The following CTDSPL2 variants were observed in gnomAD, a reference collection of about 807,000 sequenced individuals.
CTDSPL2 encodes CTD small phosphatase-like protein 2.
CTDSPL2 carries 5 observed loss-of-function variants against 60.0 expected under a neutral mutation model. The ratio of observed to expected loss-of-function variants is 0.08; its 90% CI spans 0.04 to 0.18. The LOEUF (loss-of-function observed/expected upper bound fraction) is 0.18. CTDSPL2 is among the 10% of genes least tolerant of loss of function. The pLI is 1.00. For synonymous variants in CTDSPL2, 186 were observed against 189.3 expected (o/e 0.98, Z 0.14); for missense variants, 370 against 548.8 (o/e 0.67, Z 3.26).
At chr15:44,428,877 T>C (rs1461941647) in intron 1 of CTDSPL2, among the ~76,000 whole-genome samples, 2 of 152,182 alleles carry the variant, frequency 1.3e-5, no homozygotes, top group Non-Finnish European at 2.9e-5. Context: ...TTACTTTTTC[T>C]TTCCTTTTTT....
At chr15:44,450,898 A>G (rs2080322605) in intron 1 of CTDSPL2, among the ~76,000 whole-genome samples, 1 of 152,020 alleles carries the variant, frequency 6.6e-6, no homozygotes, top group Non-Finnish European at 1.5e-5. Flanking sequence ...GCATCTGGCC[A>G]ATATTCTCAA....
intron 2 of CTDSPL2, among the ~76,000 whole-genome samples, chr15:44,480,248 G>T (rs2081001533): frequency 1.3e-5 from 2 of 152,114 alleles, no homozygotes; most frequent in African/African-American, 4.8e-5. Context: ...TTCATTTGCT[G>T]TTCTCAAATT....
In CTDSPL2 at chr15:44,525,827, C is replaced by A; in HGVS notation, c.*1653C>A. ...ATTAATGAAGATTTTAACTTTTCAT[C>A]AGGTTGAGTGTTTTCTTACTATATT... On this transcript the variant is annotated 3_prime_UTR_variant, in exon 13 of 13. Coordinates refer to ENST00000260327, the MANE Select transcript of CTDSPL2 (RefSeq NM_016396.3). 1 of 183,466 alleles carries A rather than the reference C, an allele frequency of 5.5e-6. No homozygotes were observed. Among genetic ancestry groups the A allele is most frequent in the Non-Finnish European group, 1.1e-5 (1 of 89,044 alleles). 11.4% of individuals were successfully genotyped at this position (183,466 alleles called of 1,614,324 possible).
chr15:44,433,477 CACACACACACT>C (rs1362245373), intron 1 of CTDSPL2, among the ~76,000 whole-genome samples: 3 of 151,532 alleles, frequency 2.0e-5, no homozygotes, highest in African/African-American at 7.3e-5. Flanking sequence ...CACACACACA[CACACACACACT>C]TTTTTTTCTC....
intron 12 of CTDSPL2, among the ~76,000 whole-genome samples, chr15:44,521,917 G>A (rs1391115226): frequency 4.9e-5 from 5 of 102,134 alleles, no homozygotes; most frequent in East Asian, 3.4e-4. Context: ...CAGCCTGGGC[G>A]ACAGAGCGAG....
intron 1 of CTDSPL2, among the ~76,000 whole-genome samples, chr15:44,438,983 T>C (rs1449619018): frequency 6.6e-6 from 1 of 152,158 alleles, no homozygotes; most frequent in Middle Eastern, 3.2e-3. Flanking sequence ...TTACATTATA[T>C]ACTTTTTTCT....
At chr15:44,467,347 C>T (rs895534211) in intron 2 of CTDSPL2, among the ~76,000 whole-genome samples, 10 of 152,108 alleles carry the variant, frequency 6.6e-5, no homozygotes, top group African/African-American at 2.2e-4. Flanking sequence ...ATCTGTATTA[C>T]CATGTTCAGT....
rs941491593 is a variant in CTDSPL2 at position 44,486,462 on chromosome 15, AAG to A, written c.326-86_326-85del. 6.6e-6 allele frequency: 6 copies of A among 904,476 alleles called. No individual in the cohort carries two copies. The African/African-American group carries it at 8.6e-5, about 13-fold the overall frequency. 56.0% of individuals were successfully genotyped at this position (904,476 alleles called of 1,614,324 possible). A position where few individuals can be genotyped will look rare whatever the true frequency, so the allele number is the denominator to read the frequency against. ...CTTTCGTGAAGTATTTTGAGGGAAA[AAG>A]AGTTACTTCTATAATGAATGATTTA... On this transcript the variant is annotated intron_variant, in intron 3 of 12. Transcript: ENST00000260327.
At chr15:44,447,282 T>C (rs1327600697) in intron 1 of CTDSPL2, among the ~76,000 whole-genome samples, 1 of 152,212 alleles carries the variant, frequency 6.6e-6, no homozygotes, top group African/African-American at 2.4e-5. Flanking sequence ...TTTAGAACTT[T>C]TTTGGAAAAG....
At chr15:44,502,056 G>A (rs759852688) in intron 8 of CTDSPL2, 9 of 445,874 alleles carry the variant, frequency 2.0e-5, no homozygotes, top group African/African-American at 1.8e-4. Context: ...TAGGTAAGAT[G>A]TAACTTAAAT....
chr15:44,508,402 C>G (rs370808351), intron 8 of CTDSPL2, among the ~76,000 whole-genome samples: 21 of 152,090 alleles, frequency 1.4e-4, no homozygotes, highest in African/African-American at 4.8e-4. Flanking sequence ...GGCTGCATCT[C>G]ATTCTTTATG....
intron 1 of CTDSPL2, among the ~76,000 whole-genome samples, chr15:44,445,864 C>T (rs1211829429): frequency 1.3e-5 from 2 of 150,976 alleles, no homozygotes; most frequent in Non-Finnish European, 2.9e-5. Flanking sequence ...GTCTCGAATG[C>T]CTGACTTCAT....
At position 44,485,309 on chromosome 15, in the gene CTDSPL2, A is replaced by G. The variant is rs1461394250; in HGVS notation, c.325+947A>G. Among the ~76,000 whole-genome samples, 3 of 152,328 alleles carry G rather than the reference A, an allele frequency of 2.0e-5. No homozygotes were observed. In the East Asian group the frequency reaches 5.8e-4, roughly 29 times the overall value. On this transcript the variant is annotated intron_variant, in intron 3 of 12. Coordinates refer to ENST00000260327, the MANE Select transcript of CTDSPL2 (RefSeq NM_016396.3). Reference sequence around the variant, plus strand: ...ACTCCTCAAAGTCAAAAAGAAGGAGAATAGCATTAAGGAAAAGCAGAGACA... The same window carrying G: ...ACTCCTCAAAGTCAAAAAGAAGGAGGATAGCATTAAGGAAAAGCAGAGACA...
intron 8 of CTDSPL2, among the ~76,000 whole-genome samples, chr15:44,505,205 G>T (rs559365185): frequency 6.6e-6 from 1 of 152,266 alleles, no homozygotes; most frequent in Admixed American, 6.5e-5. Context: ...CCCTAGGTGG[G>T]TGGATGGCTT....
chr15:44,512,126 G>A (rs1374974000), intron 8 of CTDSPL2, among the ~76,000 whole-genome samples: 1 of 151,860 alleles, frequency 6.6e-6, no homozygotes, highest in African/African-American at 2.4e-5. Context: ...CAGCCCGGGA[G>A]GTCGAGGCTG....
At chr15:44,468,924 T>C (rs1238344315) in intron 2 of CTDSPL2, among the ~76,000 whole-genome samples, 1 of 152,182 alleles carries the variant, frequency 6.6e-6, no homozygotes, top group Non-Finnish European at 1.5e-5. Flanking sequence ...CGAGTATCCA[T>C]ATGTATATGC....
chr15:44,445,206 C>CA (rs2080184821), intron 1 of CTDSPL2, among the ~76,000 whole-genome samples: 1 of 150,362 alleles, frequency 6.7e-6, no homozygotes, highest in South Asian at 2.1e-4. Context: ...CTTTTTGAGA[C>CA]AGAGTCTCAC....
At chr15:44,493,064 C>T (rs1357694965) in intron 5 of CTDSPL2, among the ~76,000 whole-genome samples, 1 of 151,976 alleles carries the variant, frequency 6.6e-6, no homozygotes, top group Non-Finnish European at 1.5e-5. Context: ...TTCATTTATT[C>T]TCCCAGCATT....
At chr15:44,477,184 G>T (rs1450277374) in intron 2 of CTDSPL2, among the ~76,000 whole-genome samples, 1 of 152,160 alleles carries the variant, frequency 6.6e-6, no homozygotes, top group Non-Finnish European at 1.5e-5. Flanking sequence ...AGGTGAGATT[G>T]TGCCACTGCA....
Sources: gnomAD v4.1 joint callset for allele counts (sites outside exome capture counted in the v4.1 genomes callset) on GRCh38, gnomAD v4.1.1 for gene constraint, MANE v1.5 for transcripts, NCBI Gene and HGNC (gene_info 2026-07-23, HGNC 2026-07-21) for gene names.